The following DLG2 variants were observed in gnomAD, a reference collection of about 807,000 sequenced individuals.
DLG2 encodes discs large MAGUK scaffold protein 2.
In DLG2, 45 loss-of-function variants were observed where a neutral mutation model predicts 132.5. The ratio of observed to expected loss-of-function variants is 0.34; its 90% CI spans 0.27 to 0.44. DLG2 has a LOEUF of 0.44. DLG2 is among the 20% of genes least tolerant of loss of function. DLG2 has a pLI of 1.00. For synonymous variants in DLG2, 424 were observed against 419.6 expected (o/e 1.01, Z -0.13); for missense variants, 1,045 against 1,196.9 (o/e 0.87, Z 1.87).
rs559070176 is a variant in DLG2, at chr11:83,982,078, C to T, written c.920-1436G>A. On this transcript the variant is annotated intron_variant, in intron 11 of 27. Transcript: ENST00000376104. ...TTGTGGTGATGCAGTGTAAATGAAC[C>T]TACTGCATTTCTAGTCACATATATA... is the stretch of plus-strand genomic sequence containing the variant. 1.6e-4 allele frequency among the ~76,000 whole-genome samples: 25 copies of T among 152,158 alleles called. 1 individual carries two copies. The highest frequency in any genetic ancestry group is 6.0e-4 in the African/African-American group (25 of 41,502).
intron 6 of DLG2, among the ~76,000 whole-genome samples, chr11:84,801,251 C>A (rs1232925400): frequency 6.6e-6 from 1 of 152,144 alleles, no homozygotes; most frequent in Non-Finnish European, 1.5e-5. Context: ...ATGCTATATT[C>A]TCCAGTCCAA....
At chr11:85,481,119 T>C (rs997830235) in intron 3 of DLG2, among the ~76,000 whole-genome samples, 45 of 152,344 alleles carry the variant, frequency 3.0e-4, no homozygotes, top group African/African-American at 9.9e-4. Flanking sequence ...TGTAAAATCA[T>C]ATAAACTTCA....
intron 14 of DLG2, among the ~76,000 whole-genome samples, chr11:83,941,358 A>G (rs1256963000): frequency 1.4e-5 from 2 of 140,240 alleles, no homozygotes; most frequent in Non-Finnish European, 3.3e-5. Context: ...TTAGTTTGCT[A>G]TGTTCTTTTA....
intron 7 of DLG2, among the ~76,000 whole-genome samples, chr11:84,271,949 C>CAAAAAAAAAAAAAAAAAAAAAAAAAA (rs71036417): frequency 1.3e-5 from 1 of 77,790 alleles, no homozygotes; most frequent in Non-Finnish European, 2.6e-5. Context: ...TTGATAATAA[C>CAAAAAAAAAAAAAAAAAAAAAAAAAA]AAAAAAAAAA....
intron 6 of DLG2, among the ~76,000 whole-genome samples, chr11:85,030,899 A>G (rs527443123): frequency 3.1e-4 from 47 of 152,078 alleles, no homozygotes; most frequent in African/African-American, 1.1e-3. Flanking sequence ...TACATCTGCA[A>G]TTTCCTCTGA....
At position 84,688,154 on chromosome 11, in the gene DLG2, C is replaced by T. The variant is rs562148290; in HGVS notation, c.358-153423G>A. The stretch of plus-strand genomic sequence containing the variant: ...CATGAGAACATGAAACATTATAAAG[C>T]ATAGAAAAAATTTGTGTTGCAAAAC... On this transcript the variant is annotated intron_variant, in intron 6 of 27. Transcript: ENST00000376104. Among the ~76,000 whole-genome samples the T allele has an allele frequency of 4.7e-4, 71 of 152,182 alleles. No homozygotes were observed. The Middle Eastern group carries it at 0.014, about 29-fold the overall frequency.
At chr11:84,703,887 CGTGTGT>C (rs370287195) in intron 6 of DLG2, among the ~76,000 whole-genome samples, 203 of 114,716 alleles carry the variant, frequency 1.8e-3, no homozygotes, top group African/African-American at 6.1e-3. Context: ...TATATATACA[CGTGTGT>C]GTGTGTGTGT....
At chr11:85,129,553 T>C (rs956601041) in intron 5 of DLG2, among the ~76,000 whole-genome samples, 4 of 152,190 alleles carry the variant, frequency 2.6e-5, no homozygotes, top group African/African-American at 9.6e-5. Context: ...AAAGCAATCA[T>C]TGAAAAGTCA....
At chr11:84,854,754 G>A (rs2154024598) in intron 6 of DLG2, among the ~76,000 whole-genome samples, 1 of 151,918 alleles carries the variant, frequency 6.6e-6, no homozygotes, top group East Asian at 1.9e-4. Flanking sequence ...TTCAAACCGT[G>A]TATTAAAGCC....
chr11:84,411,663 C>A (rs370272887), intron 7 of DLG2, among the ~76,000 whole-genome samples: 1 of 151,984 alleles, frequency 6.6e-6, no homozygotes, highest in Non-Finnish European at 1.5e-5. Context: ...GAATGAAACA[C>A]ATTTTCATTT....
At chr11:85,145,216 A>G (rs188268296) in intron 5 of DLG2, among the ~76,000 whole-genome samples, 1 of 151,932 alleles carries the variant, frequency 6.6e-6, no homozygotes, top group Admixed American at 6.6e-5. Flanking sequence ...CTCCCTTGCA[A>G]TGTTGCTTGT....
At chr11:85,084,149 A>T (rs1445744645) in intron 6 of DLG2, among the ~76,000 whole-genome samples, 1 of 152,212 alleles carries the variant, frequency 6.6e-6, no homozygotes, top group Non-Finnish European at 1.5e-5. Context: ...AATAAAAGAT[A>T]TTCCAAGAAA....
chr11:84,550,362 T>C (rs2099399509), intron 6 of DLG2, among the ~76,000 whole-genome samples: 2 of 152,050 alleles, frequency 1.3e-5, no homozygotes, highest in African/African-American at 4.8e-5. Context: ...TTACCCAAAT[T>C]CTACTCACAC....
chr11:83,993,120 T>C (rs1391573481), intron 11 of DLG2, among the ~76,000 whole-genome samples: 1 of 152,162 alleles, frequency 6.6e-6, no homozygotes, highest in Non-Finnish European at 1.5e-5. Flanking sequence ...TTGCCTTACA[T>C]ATTAATCTCT....
At chr11:84,938,917 C>G (rs913258148) in intron 6 of DLG2, among the ~76,000 whole-genome samples, 2 of 152,090 alleles carry the variant, frequency 1.3e-5, no homozygotes, top group Non-Finnish European at 2.9e-5. Context: ...GTTTGCATTT[C>G]TTGAAGTACT....
intron 19 of DLG2, among the ~76,000 whole-genome samples, chr11:83,589,521 A>G (rs2097151286): frequency 6.6e-6 from 1 of 152,176 alleles, no homozygotes; most frequent in Admixed American, 6.5e-5. Context: ...AACCGGAACC[A>G]GCCACTGCAA....
At chr11:84,256,218 A>T (rs2097467383) in intron 7 of DLG2, among the ~76,000 whole-genome samples, 1 of 152,132 alleles carries the variant, frequency 6.6e-6, no homozygotes, top group Non-Finnish European at 1.5e-5. Context: ...ATTGATTCTG[A>T]CTAATGTGGT....
At chr11:84,829,311 C>A (rs1204898402) in intron 6 of DLG2, among the ~76,000 whole-genome samples, 1 of 151,576 alleles carries the variant, frequency 6.6e-6, no homozygotes, top group Non-Finnish European at 1.5e-5. Flanking sequence ...CATACAGTTG[C>A]ATTCTTGCTA....
intron 6 of DLG2, among the ~76,000 whole-genome samples, chr11:84,634,960 A>G (rs1052174169): frequency 2.6e-5 from 4 of 152,214 alleles, no homozygotes; most frequent in Non-Finnish European, 4.4e-5. Context: ...GATGAAGACT[A>G]CAGGGTCAAT....
Sources: allele counts gnomAD v4.1 joint callset (sites outside exome capture counted in the v4.1 genomes callset), GRCh38; gene constraint gnomAD v4.1.1; transcripts MANE v1.5; gene names NCBI Gene and HGNC (gene_info 2026-07-23, HGNC 2026-07-21).